Variants in AGBL4 observed in about 807,000 individuals in gnomAD.
AGBL4 encodes the protein AGBL carboxypeptidase 4.
A neutral mutation model predicts 66.4 loss-of-function variants in AGBL4; 58 were observed. The ratio of observed to expected loss-of-function variants is 0.87; its 90% CI spans 0.71 to 1.09. The LOEUF is 1.09. Among genes scored for constraint, AGBL4 ranks in the 50% least tolerant of loss-of-function variants. The pLI is 0.00. For missense variants in AGBL4, 579 were observed against 631.0 expected, an observed-to-expected ratio of 0.92 and a Z score of 0.88; for synonymous variants, 234 against 222.9, an observed-to-expected ratio of 1.05 and a Z score of -0.44.
intron 6 of AGBL4, among the ~76,000 whole-genome samples, chr1:48,751,079 T>C (rs1388760898): frequency 1.3e-5 from 2 of 152,188 alleles, no homozygotes; most frequent in Non-Finnish European, 2.9e-5. Flanking sequence ...CATAGATATG[T>C]CTTTTCCCCT....
intron 3 of AGBL4, among the ~76,000 whole-genome samples, chr1:49,652,338 G>T (rs1269576615): frequency 6.6e-6 from 1 of 152,116 alleles, no homozygotes; most frequent in Non-Finnish European, 1.5e-5. Flanking sequence ...CCAAATACAA[G>T]AAATATAGAG....
intron 3 of AGBL4, among the ~76,000 whole-genome samples, chr1:49,416,346 T>C (rs1645425917): frequency 6.6e-6 from 1 of 152,098 alleles, no homozygotes; most frequent in African/African-American, 2.4e-5. Flanking sequence ...GAACATCAAT[T>C]ATGATTTGGT....
chr1:49,646,552 T>A (rs1645891910), intron 3 of AGBL4, among the ~76,000 whole-genome samples: 1 of 151,898 alleles, frequency 6.6e-6, no homozygotes, highest in Non-Finnish European at 1.5e-5. Context: ...AATAGAGAAA[T>A]ACATTGTGTT....
chr1:49,731,477 G>C (rs1649445370), intron 2 of AGBL4, among the ~76,000 whole-genome samples: 1 of 152,078 alleles, frequency 6.6e-6, no homozygotes, highest in Non-Finnish European at 1.5e-5. Flanking sequence ...AATACGTGCT[G>C]AATCAAATAA....
At chr1:49,901,854 G>C (rs1649798377) in intron 1 of AGBL4, among the ~76,000 whole-genome samples, 1 of 152,094 alleles carries the variant, frequency 6.6e-6, no homozygotes, top group Admixed American at 6.6e-5. Context: ...TAGACCAAAG[G>C]AACAGAATAC....
At chr1:48,726,452 C>CTAAG (rs1205045904) in intron 6 of AGBL4, among the ~76,000 whole-genome samples, 1 of 152,182 alleles carries the variant, frequency 6.6e-6, no homozygotes, top group African/African-American at 2.4e-5. Context: ...CATCTATCTA[C>CTAAG]TAAGTGTCAG....
intron 4 of AGBL4, among the ~76,000 whole-genome samples, chr1:49,130,193 T>A (rs1361084318): frequency 3.3e-5 from 5 of 152,282 alleles, no homozygotes; most frequent in Admixed American, 6.5e-5. Flanking sequence ...GTTTGAGTTC[T>A]TTGTAGATTC....
At chr1:49,376,649 G>A (rs373602679) in intron 3 of AGBL4, among the ~76,000 whole-genome samples, 1 of 151,792 alleles carries the variant, frequency 6.6e-6, no homozygotes, top group African/African-American at 2.4e-5. Context: ...TACTTTTTTG[G>A]TATGATATAT....
At chr1:48,758,809 G>C in intron 6 of AGBL4, 1 of 1,192,230 alleles carries the variant, frequency 8.4e-7, no homozygotes, top group East Asian at 2.6e-5. Flanking sequence ...CAGGGCACTT[G>C]GTCTCCCTCT....
At chr1:48,554,652 G>A (rs1296963376) in intron 11 of AGBL4, among the ~76,000 whole-genome samples, 1 of 151,066 alleles carries the variant, frequency 6.6e-6, no homozygotes, top group Non-Finnish European at 1.5e-5. Context: ...CTGTTGTTTT[G>A]AACTTAAAAC....
intron 3 of AGBL4, among the ~76,000 whole-genome samples, chr1:49,302,782 A>G (rs1174137502): frequency 1.3e-5 from 2 of 151,468 alleles, no homozygotes; most frequent in Non-Finnish European, 2.9e-5. Context: ...ATTAAGCCCC[A>G]CATGCATTAG....
intron 1 of AGBL4, among the ~76,000 whole-genome samples, chr1:50,000,626 G>A (rs992867831): frequency 1.3e-5 from 2 of 152,110 alleles, no homozygotes; most frequent in African/African-American, 2.4e-5. Context: ...GTACAGGCAC[G>A]TTTATAGCAA....
At position 50,004,686 on chromosome 1, in the gene AGBL4, C is replaced by T. The variant is rs12026334; in HGVS notation, c.34+19077G>A. On this transcript the variant is annotated intron_variant, in intron 1 of 13. Coordinates refer to ENST00000371839, the MANE Select transcript of AGBL4 (RefSeq NM_032785.4). The stretch of plus-strand genomic sequence containing the variant: ...CCCTGGGCAAGAAGGGAACCTGCAG[C>T]CCTGAAAGGAAGGGAAGAGTCTTAG... 8.1e-3 allele frequency among the ~76,000 whole-genome samples: 1,237 copies of T among 152,214 alleles called. 9 individuals carry two copies. The highest frequency in any genetic ancestry group is 0.031 in the Middle Eastern group (9 of 294).
chr1:48,828,002 AC>A, intron 6 of AGBL4, among the ~76,000 whole-genome samples: 1 of 113,032 alleles, frequency 8.8e-6, no homozygotes, highest in Non-Finnish European at 1.7e-5. Flanking sequence ...AAATACACAC[AC>A]ACACACACAC....
At chr1:49,457,632 G>A (rs1430186343) in intron 3 of AGBL4, among the ~76,000 whole-genome samples, 3 of 151,652 alleles carry the variant, frequency 2.0e-5, no homozygotes, top group African/African-American at 7.3e-5. Context: ...CAAAATCTTT[G>A]CCTAAGTCAC....
intron 5 of AGBL4, among the ~76,000 whole-genome samples, chr1:48,940,798 T>C (rs907679729): frequency 6.6e-6 from 1 of 152,222 alleles, no homozygotes; most frequent in African/African-American, 2.4e-5. Context: ...CTCTCAATCA[T>C]TGGTTATTCC....
chr1:49,591,269 G>A (rs1225833754), intron 3 of AGBL4, among the ~76,000 whole-genome samples: 2 of 151,590 alleles, frequency 1.3e-5, no homozygotes, highest in African/African-American at 4.8e-5. Context: ...GATCTTTAAG[G>A]AGAATGACCT....
At chr1:49,277,576 G>A (rs373931495) in intron 3 of AGBL4, among the ~76,000 whole-genome samples, 17 of 151,710 alleles carry the variant, frequency 1.1e-4, no homozygotes, top group East Asian at 7.8e-4. Flanking sequence ...TACTTTACTG[G>A]TTGGAAAGCT....
At chr1:49,649,815 A>G (rs1279142822) in intron 3 of AGBL4, among the ~76,000 whole-genome samples, 1 of 152,186 alleles carries the variant, frequency 6.6e-6, no homozygotes, top group African/African-American at 2.4e-5. Context: ...CAACGGAATG[A>G]AACTAAAAAT....
Sources: allele counts gnomAD v4.1 joint callset (sites outside exome capture counted in the v4.1 genomes callset), GRCh38; gene constraint gnomAD v4.1.1; transcripts MANE v1.5; gene names NCBI Gene and HGNC (gene_info 2026-07-23, HGNC 2026-07-21).